The following SOS2 variants were observed in gnomAD, a reference collection of about 807,000 sequenced individuals.
The protein encoded by SOS2 is SOS Ras/Rho guanine nucleotide exchange factor 2.
A neutral mutation model predicts 148.2 loss-of-function variants in SOS2; 65 were observed. The observed-to-expected ratio is 0.44, with a 90% confidence interval of 0.36 to 0.54. The LOEUF is 0.54. SOS2 is among the 20% of genes least tolerant of loss of function. The probability of loss-of-function intolerance (pLI) is 0.00; values close to 1 mark genes in which losing one functional copy is unlikely to be tolerated. For synonymous variants in SOS2, 539 were observed against 537.1 expected, an observed-to-expected ratio of 1.00 and a Z score of -0.05; for missense variants, 1,341 against 1,590.2, an observed-to-expected ratio of 0.84 and a Z score of 2.67.
rs759314436 is a variant in SOS2, at chr14:50,162,896, GAT to G, written c.1069-1289_1069-1288del. 2.6e-4 allele frequency among the ~76,000 whole-genome samples: 37 copies of G among 139,888 alleles called. 4 individuals carry two copies. The highest frequency in any genetic ancestry group is 4.4e-4 in the East Asian group (2 of 4,496). 91.8% of individuals were successfully genotyped at this position (139,888 alleles called of 152,430 possible). On this transcript the variant is annotated intron_variant, in intron 8 of 22. Transcript: ENST00000216373. ...GTATTGTATTGTGCTCCAATGTTTT[GAT>G]TTTTTTTTTTTTTTTTGAGACAGGG...
At chr14:50,167,807 T>G (rs1445241939) in intron 8 of SOS2, among the ~76,000 whole-genome samples, 1 of 49,428 alleles carries the variant, frequency 2.0e-5, no homozygotes, top group African/African-American at 9.4e-5. Context: ...GAGGTGGGGG[T>G]TGTAGTGAGC....
chr14:50,137,646 A>C (rs530946841), intron 18 of SOS2, among the ~76,000 whole-genome samples: 61 of 152,214 alleles, frequency 4.0e-4, no homozygotes, highest in African/African-American at 1.4e-3. Flanking sequence ...ACAAGATCTA[A>C]AATTTTTTTT....
At chr14:50,224,152 G>A (rs563022860) in intron 1 of SOS2, among the ~76,000 whole-genome samples, 13 of 151,428 alleles carry the variant, frequency 8.6e-5, no homozygotes, top group Admixed American at 2.0e-4. Flanking sequence ...TTAACCAGAC[G>A]TGGTGGTGCG....
chr14:50,187,244 T>C (rs570011832), intron 5 of SOS2, among the ~76,000 whole-genome samples: 3 of 152,064 alleles, frequency 2.0e-5, no homozygotes, highest in African/African-American at 4.8e-5. Flanking sequence ...ATTCTTGGCC[T>C]CAAGCAATCC....
chr14:50,128,818 C>G lies in SOS2; in HGVS notation c.3379+1143G>C, dbSNP rs1224538907. Among the ~76,000 whole-genome samples, 8 of 152,134 alleles carry G rather than the reference C, an allele frequency of 5.3e-5. No individual in the cohort carries two copies. The East Asian group carries it at 1.5e-3, about 29-fold the overall frequency. ...GAGGACAGGGTCTTGCTATGTTGCC[C>G]AGGCTAGTCTTGAACTGCTATGTTG... On this transcript the variant is annotated intron_variant, in intron 21 of 22. Transcript: ENST00000216373.
intron 1 of SOS2, among the ~76,000 whole-genome samples, chr14:50,229,781 C>G (rs1887485343): frequency 6.6e-6 from 1 of 152,216 alleles, no homozygotes; most frequent in South Asian, 2.1e-4. Flanking sequence ...TATATACCTG[C>G]GTCACATTGC....
chr14:50,129,080 T>C (rs1247891479), intron 21 of SOS2, among the ~76,000 whole-genome samples: 1 of 152,250 alleles, frequency 6.6e-6, no homozygotes, highest in African/African-American at 2.4e-5. Flanking sequence ...GTGTTCATTT[T>C]TGAGTTATTT....
intron 8 of SOS2, among the ~76,000 whole-genome samples, chr14:50,166,427 C>A (rs902060797): frequency 5.3e-5 from 8 of 152,056 alleles, no homozygotes; most frequent in Admixed American, 2.6e-4. Context: ...TGGGGTTTGG[C>A]CATGTTGCCC....
At position 50,166,952 on chromosome 14, in the gene SOS2, A is replaced by G. The variant is rs1394300470; in HGVS notation, c.1069-5343T>C. ...GCTGGGCACACGGGCTCATGCCTGTAATCTCTCCACTTTGGAAGGTCAAGG... is the reference window on the plus strand; with the variant it reads ...GCTGGGCACACGGGCTCATGCCTGTGATCTCTCCACTTTGGAAGGTCAAGG... On this transcript the variant is annotated intron_variant, in intron 8 of 22. Coordinates refer to ENST00000216373, the MANE Select transcript of SOS2 (RefSeq NM_006939.4). Among the ~76,000 whole-genome samples, 6 of 152,162 alleles carry G rather than the reference A, an allele frequency of 3.9e-5. No individual in the cohort carries two copies. The East Asian group carries it at 1.2e-3, about 29-fold the overall frequency.
At chr14:50,210,784 A>ATC (rs1390735709) in intron 1 of SOS2, among the ~76,000 whole-genome samples, 1 of 152,114 alleles carries the variant, frequency 6.6e-6, no homozygotes, top group Non-Finnish European at 1.5e-5. Flanking sequence ...CTATATATAT[A>ATC]TTAAAAAGTG....
chr14:50,122,729 A>C (rs1883557196), intron 21 of SOS2, among the ~76,000 whole-genome samples: 1 of 152,120 alleles, frequency 6.6e-6, no homozygotes, highest in Non-Finnish European at 1.5e-5. Flanking sequence ...ATGCAATTTA[A>C]TTGTCTATCA....
In SOS2 at chr14:50,209,271, T is replaced by C. The variant is rs545966910; in HGVS notation, c.88-4862A>G. The stretch of plus-strand genomic sequence containing the variant: ...AACCTCATGAGCCTATTTCCTTAAA[T>C]GTCGTGTGTGTGTGTGTGTGTGTGT... On this transcript the variant is annotated intron_variant, in intron 1 of 22. Coordinates refer to ENST00000216373, the MANE Select transcript of SOS2 (RefSeq NM_006939.4). Among the ~76,000 whole-genome samples the C allele has an allele frequency of 5.2e-3, 377 of 71,944 alleles. 1 individual carries two copies. Among genetic ancestry groups the C allele is most frequent in the Middle Eastern group, 0.01 (1 of 98 alleles). The allele number at this position is 71,944 out of a possible 152,430, so 47.2% of individuals were successfully genotyped here. A position where few individuals can be genotyped will look rare whatever the true frequency, so the allele number is the denominator to read the frequency against.
intron 21 of SOS2, among the ~76,000 whole-genome samples, chr14:50,125,286 C>A (rs1367525127): frequency 6.6e-6 from 1 of 152,126 alleles, no homozygotes; most frequent in Non-Finnish European, 1.5e-5. Flanking sequence ...CCAGCAAATG[C>A]CAGAAGGTAG....
At chr14:50,133,506 A>G (rs1594960930) in intron 19 of SOS2, among the ~76,000 whole-genome samples, 1 of 152,050 alleles carries the variant, frequency 6.6e-6, no homozygotes, top group Non-Finnish European at 1.5e-5. Flanking sequence ...GGTCTCTATG[A>G]ACTTTTTGAA....
rs757707152 is a variant in SOS2, at chr14:50,159,885, C to T, written c.1398G>A (p.Met466Ile). ...GGCCATGATTAGGTTTACAACTGAT[C>T]ATTAAGCCATCAAACAGAAAAATAT... Reference protein sequence around the residue: ...ERHIFLFDGLMISCKPNHGQT... With the variant: ...ERHIFLFDGLIISCKPNHGQT... Residue 466 changes from methionine to isoleucine, a missense_variant, in exon 10 of 23, where the codon ATG becomes ATA. By Grantham distance (10) the Met-to-Ile change is conservative. Around this residue, in one of 4 missense-constraint regions of SOS2, gnomAD observed 574 missense variants for 711.1 expected, o/e 0.81. Coordinates refer to ENST00000216373, the MANE Select transcript of SOS2 (RefSeq NM_006939.4). 6.2e-7 allele frequency: 1 copy of T among 1,614,106 alleles called. No individual in the cohort carries two copies. Among genetic ancestry groups the T allele is most frequent in the South Asian group, 1.1e-5 (1 of 91,074 alleles).
intron 18 of SOS2, among the ~76,000 whole-genome samples, chr14:50,136,217 C>T (rs1032066498): frequency 2.6e-5 from 4 of 152,212 alleles, no homozygotes. Context: ...TTGATTTCCT[C>T]ATCCTTTGCT....
intron 11 of SOS2, among the ~76,000 whole-genome samples, chr14:50,157,803 A>C (rs1884866821): frequency 6.6e-6 from 1 of 152,188 alleles, no homozygotes; most frequent in African/African-American, 2.4e-5. Flanking sequence ...ACGTAAAACT[A>C]AAAATCATTC....
At chr14:50,212,588 T>C (rs567534323) in intron 1 of SOS2, among the ~76,000 whole-genome samples, 2 of 152,384 alleles carry the variant, frequency 1.3e-5, no homozygotes, top group East Asian at 3.9e-4. Context: ...AAATAGGTGT[T>C]CCTTAAACTG....
At chr14:50,180,925 G>C (rs1314321696) in intron 6 of SOS2, among the ~76,000 whole-genome samples, 3 of 151,678 alleles carry the variant, frequency 2.0e-5, no homozygotes, top group African/African-American at 7.3e-5. Context: ...AAAATTAATG[G>C]GATATCTGCA....
Sources: gnomAD v4.1 joint callset for allele counts (sites outside exome capture counted in the v4.1 genomes callset) on GRCh38, gnomAD v4.1.1 for gene constraint, gnomAD v4.1.1 regional missense constraint, MANE v1.5 for transcripts, NCBI Gene and HGNC (gene_info 2026-07-23, HGNC 2026-07-21) for gene names.